The following KCTD8 variants were observed in gnomAD, a reference collection of about 807,000 sequenced individuals.
The protein encoded by KCTD8 is BTB/POZ domain-containing protein KCTD8.
Under a neutral mutation model 31.5 loss-of-function variants are expected in KCTD8, and 27 were observed. That is an observed-to-expected ratio of 0.86 (90% CI 0.63 to 1.18). KCTD8 has a LOEUF of 1.18. Ranked by LOEUF, KCTD8 falls within the 50% of genes most tolerant of loss-of-function variation. The pLI, the probability that KCTD8 is intolerant of heterozygous loss-of-function variation, is 0.00. For synonymous variants in KCTD8, 290 were observed against 280.0 expected, an observed-to-expected ratio of 1.04 and a Z score of -0.36; for missense variants, 658 against 647.7, an observed-to-expected ratio of 1.02 and a Z score of -0.17.
At chr4:44,302,102 G>T (rs553435621) in intron 1 of KCTD8, among the ~76,000 whole-genome samples, 11 of 152,280 alleles carry the variant, frequency 7.2e-5, no homozygotes, top group African/African-American at 2.6e-4. Flanking sequence ...CCAGTACCAT[G>T]CTGTTTTTGT....
At chr4:44,283,821 T>C (rs962367805) in intron 1 of KCTD8, among the ~76,000 whole-genome samples, 17 of 152,296 alleles carry the variant, frequency 1.1e-4, no homozygotes, top group African/African-American at 4.1e-4. Context: ...CAAGCATTCC[T>C]GTACATCAAT....
intron 1 of KCTD8, among the ~76,000 whole-genome samples, chr4:44,211,447 G>C (rs1187355573): frequency 6.6e-6 from 1 of 152,038 alleles, no homozygotes; most frequent in Non-Finnish European, 1.5e-5. Context: ...CAACTCATTA[G>C]TCTTTCTCAA....
At chr4:44,374,890 A>T (rs1299551851) in intron 1 of KCTD8, among the ~76,000 whole-genome samples, 1 of 152,208 alleles carries the variant, frequency 6.6e-6, no homozygotes, top group Non-Finnish European at 1.5e-5. Flanking sequence ...TATTGTGAGA[A>T]TTGCCAAAAT....
intron 1 of KCTD8, among the ~76,000 whole-genome samples, chr4:44,427,224 G>A (rs1012494709): frequency 3.3e-5 from 5 of 150,946 alleles, no homozygotes; most frequent in Non-Finnish European, 5.9e-5. Flanking sequence ...TACATTTAAG[G>A]GAAAACCTTT....
At chr4:44,445,296 G>C (rs753311922) in intron 1 of KCTD8, among the ~76,000 whole-genome samples, 29 of 152,200 alleles carry the variant, frequency 1.9e-4, no homozygotes, top group South Asian at 6.2e-4. Context: ...AACTCCACCT[G>C]GTTGATCAAC....
At chr4:44,205,506 C>T (rs78422373) in intron 1 of KCTD8, among the ~76,000 whole-genome samples, 1,737 of 152,220 alleles carry the variant, frequency 0.011, 34 homozygotes, top group African/African-American at 0.04. Context: ...TGCAATAAAA[C>T]TATTAATGTA....
chr4:44,267,131 C>G (rs1308451043), intron 1 of KCTD8, among the ~76,000 whole-genome samples: 2 of 151,962 alleles, frequency 1.3e-5, no homozygotes, highest in Non-Finnish European at 2.9e-5. Context: ...CAAAATTGAC[C>G]ACATACTTGG....
At chr4:44,361,288 T>G (rs1015433670) in intron 1 of KCTD8, among the ~76,000 whole-genome samples, 24 of 152,076 alleles carry the variant, frequency 1.6e-4, no homozygotes, top group African/African-American at 5.6e-4. Context: ...GAAAATATAC[T>G]AGACACGTTA....
chr4:44,273,574 T>C (rs1273103142), intron 1 of KCTD8, among the ~76,000 whole-genome samples: 1 of 151,930 alleles, frequency 6.6e-6, no homozygotes, highest in Non-Finnish European at 1.5e-5. Context: ...AAGGAGTCAA[T>C]TTTCCTAAAT....
intron 1 of KCTD8, among the ~76,000 whole-genome samples, chr4:44,220,685 T>G (rs2109347818): frequency 6.6e-6 from 1 of 152,176 alleles, no homozygotes; most frequent in African/African-American, 2.4e-5. Flanking sequence ...AGAACAACAC[T>G]TATGTGGAGG....
At chr4:44,237,171 G>A (rs1715316617) in intron 1 of KCTD8, among the ~76,000 whole-genome samples, 1 of 152,122 alleles carries the variant, frequency 6.6e-6, no homozygotes, top group Non-Finnish European at 1.5e-5. Flanking sequence ...TGTTTCTACA[G>A]TATGGAAGGA....
chr4:44,361,037 T>C (rs1441741015), intron 1 of KCTD8, among the ~76,000 whole-genome samples: 1 of 152,060 alleles, frequency 6.6e-6, no homozygotes, highest in Admixed American at 6.6e-5. Context: ...TATGCCATTA[T>C]GTTCACCTAA....
At chr4:44,414,077 T>A (rs1040163935) in intron 1 of KCTD8, among the ~76,000 whole-genome samples, 2 of 152,158 alleles carry the variant, frequency 1.3e-5, no homozygotes, top group South Asian at 4.1e-4. Context: ...TAAGATCCAC[T>A]TCAGACTTCT....
In KCTD8 at chr4:44,272,236, TATAGGG is replaced by T. The variant is rs555299495; in HGVS notation, c.962-96992_962-96987del. ...TCAATCAAAACATACACAGTGAATC[TATAGGG>T]ATTCCAAAGTAACTATACAAAAATT... On this transcript the variant is annotated intron_variant, in intron 1 of 1. Transcript: ENST00000360029. Among the ~76,000 whole-genome samples, 424 of 151,650 alleles carry T rather than the reference TATAGGG, an allele frequency of 2.8e-3. 4 individuals carry two copies. Among genetic ancestry groups the T allele is most frequent in the African/African-American group, 9.5e-3 (393 of 41,330 alleles).
At chr4:44,203,006 T>G (rs1225953852) in intron 1 of KCTD8, among the ~76,000 whole-genome samples, 1 of 152,120 alleles carries the variant, frequency 6.6e-6, no homozygotes, top group African/African-American at 2.4e-5. Flanking sequence ...ACAGCTTTTT[T>G]CATGGTTTTT....
intron 1 of KCTD8, among the ~76,000 whole-genome samples, chr4:44,269,710 C>A (rs1012433524): frequency 6.6e-6 from 1 of 151,990 alleles, no homozygotes; most frequent in African/African-American, 2.4e-5. Flanking sequence ...AGCAAACAAC[C>A]CCATCAAAAA....
chr4:44,346,266 T>C (rs887570938), intron 1 of KCTD8, among the ~76,000 whole-genome samples: 1 of 152,188 alleles, frequency 6.6e-6, no homozygotes, highest in Non-Finnish European at 1.5e-5. Flanking sequence ...GGTTTCTCAG[T>C]TGATTGCTGT....
chr4:44,301,039 C>T (rs1424869236), intron 1 of KCTD8, among the ~76,000 whole-genome samples: 1 of 151,788 alleles, frequency 6.6e-6, no homozygotes, highest in Non-Finnish European at 1.5e-5. Flanking sequence ...CTACAAAGGA[C>T]ATGAACTCAT....
intron 1 of KCTD8, among the ~76,000 whole-genome samples, chr4:44,292,493 G>A (rs1389819660): frequency 2.0e-5 from 3 of 152,082 alleles, no homozygotes; most frequent in South Asian, 2.1e-4. Context: ...GGAGGAAGGC[G>A]TGGTCTGAAA....
Sources: allele counts gnomAD v4.1 joint callset (sites outside exome capture counted in the v4.1 genomes callset), GRCh38; gene constraint gnomAD v4.1.1; transcripts MANE v1.5; gene names NCBI Gene and HGNC (gene_info 2026-07-23, HGNC 2026-07-21).